Variants in ROBO2 observed in about 807,000 individuals in gnomAD.
ROBO2 encodes the protein roundabout guidance receptor 2.
In ROBO2, 53 loss-of-function variants were observed where a neutral mutation model predicts 160.8. That is an observed-to-expected ratio of 0.33 (90% CI 0.26 to 0.41). The LOEUF is 0.41. Among genes scored for constraint, ROBO2 ranks in the 10% least tolerant of loss-of-function variants. The probability of loss-of-function intolerance (pLI) is 1.00; values close to 1 mark genes in which losing one functional copy is unlikely to be tolerated. For missense variants in ROBO2, 1,577 were observed against 1,722.4 expected (o/e 0.92, Z 1.49); for synonymous variants, 664 against 611.7 (o/e 1.09, Z -1.26).
chr3:76,389,772 A>T (rs924251136), intron 2 of ROBO2, among the ~76,000 whole-genome samples: 2 of 152,040 alleles, frequency 1.3e-5, no homozygotes, highest in African/African-American at 4.8e-5. Context: ...CCTTTGTTAC[A>T]TACATCTATA....
chr3:76,898,888 G>A (rs2075016725), intron 2 of ROBO2, among the ~76,000 whole-genome samples: 1 of 152,104 alleles, frequency 6.6e-6, no homozygotes, highest in Non-Finnish European at 1.5e-5. Context: ...CTTCTATCTG[G>A]TATTTATTAT....
chr3:76,044,019 G>C (rs555025572), intron 2 of ROBO2, among the ~76,000 whole-genome samples: 1 of 151,976 alleles, frequency 6.6e-6, no homozygotes, highest in South Asian at 2.1e-4. Context: ...ATACCCTTTT[G>C]TTGGTGCTAA....
chr3:77,592,621 GGCTCACT>G (rs1241150803), intron 17 of ROBO2, among the ~76,000 whole-genome samples: 2 of 152,020 alleles, frequency 1.3e-5, no homozygotes, highest in Admixed American at 1.3e-4. Flanking sequence ...GCACGATCTT[GGCTCACT>G]GCAACCTCCA....
At chr3:76,374,623 G>T (rs545176724) in intron 2 of ROBO2, among the ~76,000 whole-genome samples, 2 of 151,964 alleles carry the variant, frequency 1.3e-5, no homozygotes, top group Admixed American at 1.3e-4. Flanking sequence ...TTAGCTTTAC[G>T]CCTTGTAAAT....
rs531195768 is a variant in ROBO2, at chr3:77,439,656, A to G, written c.389-37758A>G. On this transcript the variant is annotated intron_variant, in intron 2 of 25. Coordinates refer to ENST00000461745, the Ensembl canonical transcript of ROBO2. Reference sequence around the variant, plus strand: ...CAAGAGAAGACGCATGCTAACCATTAGTATTAAGGAGTACAAGGCAACCTA... The same window carrying G: ...CAAGAGAAGACGCATGCTAACCATTGGTATTAAGGAGTACAAGGCAACCTA... Among the ~76,000 whole-genome samples, 3 of 152,154 alleles carry G rather than the reference A, an allele frequency of 2.0e-5. No homozygotes were observed. The East Asian group carries it at 5.8e-4, about 29-fold the overall frequency.
chr3:77,457,251 T>C (rs2081754585), intron 2 of ROBO2, among the ~76,000 whole-genome samples: 1 of 152,180 alleles, frequency 6.6e-6, no homozygotes, highest in Admixed American at 6.5e-5. Context: ...TTTTGGGTTG[T>C]CAAGAAACTA....
At chr3:77,316,455 G>A (rs930586387) in intron 2 of ROBO2, among the ~76,000 whole-genome samples, 3 of 152,076 alleles carry the variant, frequency 2.0e-5, no homozygotes, top group East Asian at 1.9e-4. Context: ...AATTTACAAA[G>A]TGCCTACATA....
chr3:76,766,091 A>C (rs893145025), intron 2 of ROBO2, among the ~76,000 whole-genome samples: 1 of 151,702 alleles, frequency 6.6e-6, no homozygotes, highest in Non-Finnish European at 1.5e-5. Flanking sequence ...CACAAATCGA[A>C]TAACTGTCAT....
intron 2 of ROBO2, among the ~76,000 whole-genome samples, chr3:76,940,273 C>T (rs1037756142): frequency 6.6e-6 from 1 of 152,102 alleles, no homozygotes; most frequent in Non-Finnish European, 1.5e-5. Flanking sequence ...TGAGCCACTG[C>T]GCCTCGCCGC....
At chr3:77,148,162 G>A (rs1263912570) in intron 2 of ROBO2, among the ~76,000 whole-genome samples, 3 of 152,226 alleles carry the variant, frequency 2.0e-5, no homozygotes, top group East Asian at 1.9e-4. Context: ...AAGGAGGTAG[G>A]TTTGAAATAC....
chr3:77,382,340 CAT>C (rs1297022335), intron 2 of ROBO2, among the ~76,000 whole-genome samples: 1 of 125,068 alleles, frequency 8.0e-6, no homozygotes, highest in Non-Finnish European at 1.7e-5. Flanking sequence ...GTAGAAAACA[CAT>C]GTCCTTTTTT....
intron 2 of ROBO2, among the ~76,000 whole-genome samples, chr3:76,210,315 A>G (rs551067385): frequency 2.0e-5 from 3 of 152,196 alleles, no homozygotes; most frequent in African/African-American, 7.2e-5. Context: ...CAACTTCTAA[A>G]CTACTCATGA....
intron 2 of ROBO2, among the ~76,000 whole-genome samples, chr3:76,194,872 T>C (rs917672523): frequency 6.6e-6 from 1 of 152,138 alleles, no homozygotes; most frequent in Non-Finnish European, 1.5e-5. Flanking sequence ...CCCGCGTTGG[T>C]CTCTCAAAGT....
intron 2 of ROBO2, among the ~76,000 whole-genome samples, chr3:76,639,268 A>G (rs72886493): frequency 0.054 from 8,148 of 152,032 alleles, 697 homozygotes; most frequent in African/African-American, 0.18. Flanking sequence ...GTATGTTTAT[A>G]TGTACATATA....
At chr3:76,394,639 C>G (rs2077331874) in intron 2 of ROBO2, among the ~76,000 whole-genome samples, 1 of 151,988 alleles carries the variant, frequency 6.6e-6, no homozygotes, top group South Asian at 2.1e-4. Flanking sequence ...GTGGCGTTCT[C>G]TGTATTTCCT....
At chr3:76,881,189 T>A (rs1416781197) in intron 2 of ROBO2, among the ~76,000 whole-genome samples, 1 of 152,214 alleles carries the variant, frequency 6.6e-6, no homozygotes, top group Non-Finnish European at 1.5e-5. Context: ...TTCTCTATTA[T>A]TAAATTGGGT....
At chr3:76,858,239 A>G (rs550759216) in intron 2 of ROBO2, among the ~76,000 whole-genome samples, 5 of 152,208 alleles carry the variant, frequency 3.3e-5, no homozygotes, top group South Asian at 4.1e-4. Flanking sequence ...ATTTATGTTT[A>G]TCACAGTGCC....
chr3:76,116,368 A>T (rs558463163), intron 2 of ROBO2, among the ~76,000 whole-genome samples: 2 of 152,260 alleles, frequency 1.3e-5, no homozygotes, highest in South Asian at 4.1e-4. Flanking sequence ...CCTCAGTCAG[A>T]CGTAGAATAA....
intron 2 of ROBO2, among the ~76,000 whole-genome samples, chr3:76,141,687 C>T (rs1308063833): frequency 6.6e-6 from 1 of 151,900 alleles, no homozygotes; most frequent in African/African-American, 2.4e-5. Context: ...GAGTCCCAGT[C>T]TAGAGATCCA....
Sources: gnomAD v4.1 joint callset for allele counts (sites outside exome capture counted in the v4.1 genomes callset) on GRCh38, gnomAD v4.1.1 for gene constraint, MANE v1.5 for transcripts, NCBI Gene and HGNC (gene_info 2026-07-23, HGNC 2026-07-21) for gene names.